The following GART variants were observed in gnomAD, a reference collection of about 807,000 sequenced individuals.
GART encodes the protein trifunctional purine biosynthetic protein adenosine-3.
GART carries 43 observed loss-of-function variants against 107.2 expected under a neutral mutation model. That is an observed-to-expected ratio of 0.40 (90% confidence interval 0.31 to 0.52). The LOEUF (loss-of-function observed/expected upper bound fraction) is 0.52. GART is among the 20% of genes least tolerant of loss of function. The pLI, the probability that GART is intolerant of heterozygous loss-of-function variation, is 0.52. For missense variants in GART, 1,107 were observed against 1,206.5 expected (o/e 0.92, Z 1.22); for synonymous variants, 434 against 427.0 (o/e 1.02, Z -0.20).
intron 16 of GART, among the ~76,000 whole-genome samples, chr21:33,513,548 C>T (rs545375152): frequency 4.9e-4 from 74 of 151,912 alleles, no homozygotes; most frequent in African/African-American, 1.5e-3. Flanking sequence ...CCAGCCTGGG[C>T]GACAGGGTGA....
intron 12 of GART, among the ~76,000 whole-genome samples, 178 bp downstream of exon 12, chr21:33,522,010 G>C (rs956835912): frequency 6.7e-6 from 1 of 149,704 alleles, no homozygotes; most frequent in African/African-American, 2.5e-5. Flanking sequence ...TAACATGACA[G>C]ATGAGAAATA....
At chr21:33,529,352 T>C (rs534979844) in intron 7 of GART, among the ~76,000 whole-genome samples, 27 of 152,184 alleles carry the variant, frequency 1.8e-4, no homozygotes, top group African/African-American at 6.5e-4. Context: ...TATTACCAAA[T>C]GGTAGTTTTA....
In GART at chr21:33,528,340, A is replaced by C; in HGVS notation, c.898-5T>G. ...TTTAAGAAGTGGGAGGATTACCTGGAAAAACATAATCCACATGGCAGGTGG... is the reference window on the plus strand; with the variant it reads ...TTTAAGAAGTGGGAGGATTACCTGGCAAAACATAATCCACATGGCAGGTGG... On this transcript the variant is annotated splice_region_variant and splice_polypyrimidine_tract_variant and intron_variant, in intron 9 of 21. Coordinates refer to ENST00000381815, the MANE Select transcript of GART (RefSeq NM_000819.5). 1 of 1,613,382 alleles carries C rather than the reference A, an allele frequency of 6.2e-7. No individual in the cohort carries two copies. Among genetic ancestry groups the C allele is most frequent in the Non-Finnish European group, 8.5e-7 (1 of 1,179,510 alleles).
chr21:33,520,032 G>A (rs2084942033), intron 14 of GART, among the ~76,000 whole-genome samples: 1 of 152,030 alleles, frequency 6.6e-6, no homozygotes, highest in African/African-American at 2.4e-5. Context: ...TCAATAAGGA[G>A]GAAATAACTC....
At chr21:33,532,322 T>G in intron 5 of GART, 23 bp downstream of exon 5, 1 of 1,565,668 alleles carries the variant, frequency 6.4e-7, no homozygotes, top group Non-Finnish European at 8.8e-7. Flanking sequence ...GAAAAGTAAA[T>G]TTTTTCAGAA....
intron 5 of GART, chr21:33,531,786 T>C (rs1389127077): frequency 4.3e-6 from 2 of 461,740 alleles, no homozygotes; most frequent in Non-Finnish European, 7.6e-6. Flanking sequence ...ACACCTCTAA[T>C]ATTCTCCTGA....
rs569057538 is a variant in GART at position 33,504,193 on chromosome 21, A to G, written c.2964T>C (p.Leu988=). Residue 988 remains leucine (L), a synonymous_variant, in exon 22 of 22, where the codon CTT becomes CTC. Transcript: ENST00000381815. The part of the protein sequence containing the change: ...LAEHKIFPAA[L]QLVASGTVQL... ...GTACAGTTCCACTGGCCACCAGCTGAAGGGCTGCAGGAAATATTTTATGTT... is the reference window on the plus strand; with the variant it reads ...GTACAGTTCCACTGGCCACCAGCTGGAGGGCTGCAGGAAATATTTTATGTT... The G allele has an allele frequency of 1.2e-6, 2 of 1,614,234 alleles. No homozygotes were observed. The highest frequency in any genetic ancestry group is 3.3e-5 in the Admixed American group (2 of 60,024).
chr21:33,532,506 G>T (rs767750231), intron 4 of GART, 50 bp from the exon 5 acceptor site: 1 of 1,366,140 alleles, frequency 7.3e-7, no homozygotes, highest in East Asian at 2.3e-5. Flanking sequence ...TACAACTCAA[G>T]ATTTTAAAAT....
intron 15 of GART, 103 bp from the exon 16 acceptor site, chr21:33,517,244 T>G (rs546810969): frequency 1.3e-6 from 2 of 1,558,948 alleles, no homozygotes; most frequent in African/African-American, 2.7e-5. Context: ...AATGACCAAG[T>G]AGCAAACCAA....
chr21:33,515,565 A>G (rs1188924491), intron 16 of GART, among the ~76,000 whole-genome samples: 1 of 139,700 alleles, frequency 7.2e-6, no homozygotes, highest in Non-Finnish European at 1.5e-5. Flanking sequence ...AGTTGAATCC[A>G]GGAGGCGGAG....
chr21:33,538,058 C>T (rs1044947010), intron 2 of GART, among the ~76,000 whole-genome samples: 1 of 151,882 alleles, frequency 6.6e-6, no homozygotes, highest in Non-Finnish European at 1.5e-5. Context: ...GCCTGACCAA[C>T]ATAGTGAAAC....
At chr21:33,528,801 T>C (rs2085125542) in intron 8 of GART, 49 bp downstream of exon 8, 1 of 1,339,262 alleles carries the variant, frequency 7.5e-7, no homozygotes, top group Non-Finnish European at 1.0e-6. Context: ...TTATCAAAAG[T>C]AGAAAGTTAC....
intron 16 of GART, among the ~76,000 whole-genome samples, chr21:33,512,955 G>A (rs1042213470): frequency 2.6e-5 from 4 of 151,020 alleles, no homozygotes; most frequent in Admixed American, 2.0e-4. Context: ...TCTCTCTGTC[G>A]TTTAGGCTGG....
At chr21:33,525,196 G>A (rs556288497) in intron 10 of GART, among the ~76,000 whole-genome samples, 196 bp from the exon 11 acceptor site, 30 of 151,702 alleles carry the variant, frequency 2.0e-4, no homozygotes, top group African/African-American at 6.5e-4. Context: ...ACCAGCCTGG[G>A]CAACAGAGCA....
chr21:33,527,351 T>C (rs1030156459), intron 10 of GART, among the ~76,000 whole-genome samples: 25 of 152,040 alleles, frequency 1.6e-4, no homozygotes, highest in African/African-American at 5.8e-4. Flanking sequence ...AAACCCCATC[T>C]CTACTAAAAA....
intron 11 of GART, among the ~76,000 whole-genome samples, chr21:33,522,888 C>G (rs2084998413): frequency 6.6e-6 from 1 of 152,170 alleles, no homozygotes; most frequent in Admixed American, 6.5e-5. Context: ...GAGAGGAATG[C>G]CTAATCAAGT....
At chr21:33,509,451 C>A in intron 18 of GART, 1 of 200,266 alleles carries the variant, frequency 5.0e-6, no homozygotes, top group East Asian at 1.2e-4. Context: ...TAAACATAAA[C>A]TTCTTCTAAT....
chr21:33,506,790 C>T (rs1342227280), intron 18 of GART, among the ~76,000 whole-genome samples: 2 of 152,110 alleles, frequency 1.3e-5, no homozygotes, highest in Non-Finnish European at 2.9e-5. Flanking sequence ...AGAAAACACA[C>T]AAATTGCAAA....
chr21:33,541,692 AAGAC>A (rs915279095), intron 1 of GART, among the ~76,000 whole-genome samples: 1 of 152,192 alleles, frequency 6.6e-6, no homozygotes, highest in Non-Finnish European at 1.5e-5. Flanking sequence ...TAAGCAGAAT[AAGAC>A]AGGCAAATAA....
Sources: allele counts gnomAD v4.1 joint callset (sites outside exome capture counted in the v4.1 genomes callset), GRCh38; gene constraint gnomAD v4.1.1; transcripts MANE v1.5; gene names NCBI Gene and HGNC (gene_info 2026-07-23, HGNC 2026-07-21).